The following DLGAP2 variants were observed in gnomAD, a reference collection of about 807,000 sequenced individuals.
DLGAP2 encodes DLG associated protein 2.
DLGAP2 carries 26 observed loss-of-function variants against 100.3 expected under a neutral mutation model. That is an observed-to-expected ratio of 0.26 (90% CI 0.19 to 0.36). DLGAP2 has a LOEUF of 0.36. DLGAP2 is among the 10% of genes least tolerant of loss of function. DLGAP2 has a pLI of 1.00. For missense variants in DLGAP2, 1,858 were observed against 1,453.2 expected, an observed-to-expected ratio of 1.28 and a Z score of -4.53; for synonymous variants, 886 against 630.1, an observed-to-expected ratio of 1.41 and a Z score of -6.08.
chr8:997,668 T>A (rs984005717), intron 2 of DLGAP2, among the ~76,000 whole-genome samples: 1 of 152,198 alleles, frequency 6.6e-6, no homozygotes, highest in Admixed American at 6.5e-5. Context: ...CGTTTGTTCA[T>A]CCCAGTAAAC....
intron 5 of DLGAP2, among the ~76,000 whole-genome samples, chr8:1,550,624 G>A (rs1801733024): frequency 6.6e-6 from 1 of 152,172 alleles, no homozygotes; most frequent in African/African-American, 2.4e-5. Flanking sequence ...TTATGGAAAA[G>A]GCCTCTGTGT....
intron 3 of DLGAP2, among the ~76,000 whole-genome samples, chr8:1,373,132 G>A (rs1802287571): frequency 6.6e-6 from 1 of 152,198 alleles, no homozygotes. Context: ...AGCATGTGGG[G>A]CGGGGGCGTC....
At chr8:1,537,353 A>G (rs1232451982) in intron 4 of DLGAP2, among the ~76,000 whole-genome samples, 1 of 152,092 alleles carries the variant, frequency 6.6e-6, no homozygotes, top group Non-Finnish European at 1.5e-5. Context: ...GAGGTGAACA[A>G]GGCAGGAAAA....
intron 1 of DLGAP2, among the ~76,000 whole-genome samples, chr8:750,496 A>G (rs1459552918): frequency 6.6e-6 from 1 of 152,278 alleles, no homozygotes; most frequent in Non-Finnish European, 1.5e-5. Context: ...TTGACAAAGA[A>G]TATAAACAGA....
At chr8:1,190,077 C>A (rs1462391472) in intron 2 of DLGAP2, among the ~76,000 whole-genome samples, 1 of 152,190 alleles carries the variant, frequency 6.6e-6, no homozygotes, top group African/African-American at 2.4e-5. Context: ...GTTTTCTGCT[C>A]CTTGAGGGAA....
At chr8:998,739 A>T (rs1288891352) in intron 2 of DLGAP2, among the ~76,000 whole-genome samples, 1 of 152,116 alleles carries the variant, frequency 6.6e-6, no homozygotes, top group Non-Finnish European at 1.5e-5. Context: ...ATCTGAGGAA[A>T]ACTTGGGTTC....
chr8:759,416 T>C (rs1049056553), intron 1 of DLGAP2, among the ~76,000 whole-genome samples: 1 of 151,986 alleles, frequency 6.6e-6, no homozygotes, highest in African/African-American at 2.4e-5. Flanking sequence ...GGGCTGCACG[T>C]TTCCAGGGTT....
chr8:795,105 C>G (rs898093488), intron 1 of DLGAP2, among the ~76,000 whole-genome samples: 13 of 152,194 alleles, frequency 8.5e-5, no homozygotes, highest in Admixed American at 3.9e-4. Flanking sequence ...TCTCAAGTAA[C>G]CATCTGGCTC....
chr8:1,311,350 G>C (rs1052181703), intron 3 of DLGAP2, among the ~76,000 whole-genome samples: 2 of 152,160 alleles, frequency 1.3e-5, no homozygotes, highest in Admixed American at 6.5e-5. Flanking sequence ...CCACCAAACA[G>C]GTAAAGATGA....
chr8:1,619,416 C>A (rs1011703956), intron 6 of DLGAP2, among the ~76,000 whole-genome samples: 5 of 152,196 alleles, frequency 3.3e-5, no homozygotes, highest in African/African-American at 1.2e-4. Context: ...CACTGTCTAT[C>A]AATTTTCTCT....
At chr8:1,004,873 G>C (rs559117350) in intron 2 of DLGAP2, among the ~76,000 whole-genome samples, 9 of 152,304 alleles carry the variant, frequency 5.9e-5, no homozygotes, top group African/African-American at 1.9e-4. Flanking sequence ...GTAGCAAAAT[G>C]AAAATGTGAT....
At chr8:1,036,569 T>C (rs959928563) in intron 2 of DLGAP2, among the ~76,000 whole-genome samples, 1 of 152,104 alleles carries the variant, frequency 6.6e-6, no homozygotes, top group Non-Finnish European at 1.5e-5. Flanking sequence ...CCTTTGGGGA[T>C]CCTGGAATGG....
At chr8:1,507,297 C>G (rs1023097199) in intron 4 of DLGAP2, among the ~76,000 whole-genome samples, 16 of 152,176 alleles carry the variant, frequency 1.1e-4, no homozygotes, top group African/African-American at 1.7e-4. Flanking sequence ...CGAGCCCTGT[C>G]CCACGGGGAG....
chr8:801,985 T>C (rs112961988), intron 1 of DLGAP2, among the ~76,000 whole-genome samples: 2,650 of 28,936 alleles, frequency 0.092, 66 homozygotes, highest in Non-Finnish European at 0.13. Flanking sequence ...CCCTCCTGGG[T>C]CCTCTGTCCT....
At chr8:1,051,397 C>T (rs574348839) in intron 2 of DLGAP2, among the ~76,000 whole-genome samples, 48 of 152,152 alleles carry the variant, frequency 3.2e-4, no homozygotes, top group Non-Finnish European at 5.0e-4. Context: ...GATCCAATAC[C>T]GTCAGCTGTT....
intron 3 of DLGAP2, among the ~76,000 whole-genome samples, chr8:1,305,454 C>G (rs1563073116): frequency 1.3e-5 from 2 of 152,158 alleles, no homozygotes; most frequent in East Asian, 3.8e-4. Context: ...TGCTTATAGT[C>G]ATCCCTGGGT....
At chr8:1,084,343 T>C (rs1803904858) in intron 2 of DLGAP2, among the ~76,000 whole-genome samples, 1 of 152,246 alleles carries the variant, frequency 6.6e-6, no homozygotes, top group African/African-American at 2.4e-5. Context: ...ACAATTAAGC[T>C]AATTAACATA....
intron 3 of DLGAP2, among the ~76,000 whole-genome samples, chr8:1,267,867 C>T (rs1329881576): frequency 6.6e-6 from 1 of 152,072 alleles, no homozygotes; most frequent in African/African-American, 2.4e-5. Flanking sequence ...CTCCATCACA[C>T]CCACCCTAGT....
At chr8:1,314,758 C>A (rs1023588343) in intron 3 of DLGAP2, among the ~76,000 whole-genome samples, 2 of 152,226 alleles carry the variant, frequency 1.3e-5, no homozygotes, top group Admixed American at 1.3e-4. Context: ...CCTATGGTGC[C>A]ACTTCTCTCT....
Sources: allele counts gnomAD v4.1 joint callset (sites outside exome capture counted in the v4.1 genomes callset), GRCh38; gene constraint gnomAD v4.1.1; transcripts MANE v1.5; gene names NCBI Gene and HGNC (gene_info 2026-07-23, HGNC 2026-07-21).